The following UGT8 variants were observed in gnomAD, a reference collection of about 807,000 sequenced individuals.
UGT8 encodes 2-hydroxyacylsphingosine 1-beta-galactosyltransferase.
UGT8 carries 12 observed loss-of-function variants against 40.5 expected under a neutral mutation model. The observed-to-expected ratio is 0.30, with a 90% confidence interval of 0.19 to 0.48. The LOEUF is 0.48. Ranked by LOEUF, UGT8 falls within the 20% of genes least tolerant of loss-of-function variation. The probability of loss-of-function intolerance (pLI) is 0.99; values close to 1 mark genes in which losing one functional copy is unlikely to be tolerated. For synonymous variants in UGT8, 224 were observed against 240.4 expected (o/e 0.93, Z 0.63); for missense variants, 513 against 648.7 (o/e 0.79, Z 2.27).
At chr4:114,673,698 C>T (rs1735444826) in intron 5 of UGT8, among the ~76,000 whole-genome samples, 1 of 152,132 alleles carries the variant, frequency 6.6e-6, no homozygotes, top group African/African-American at 2.4e-5. Context: ...TCTTTTCCAT[C>T]TTTGTTAAAA....
chr4:114,671,531 A>G (rs1468521307), intron 5 of UGT8, among the ~76,000 whole-genome samples: 2 of 152,172 alleles, frequency 1.3e-5, no homozygotes, highest in Admixed American at 1.3e-4. Flanking sequence ...ACACATCTAC[A>G]ACCATCTGAT....
At chr4:114,656,874 A>G in intron 2 of UGT8, 1 of 487,288 alleles carries the variant, frequency 2.1e-6, no homozygotes, top group Non-Finnish European at 4.3e-6. Flanking sequence ...GGCCTCATTA[A>G]AAAATATAAA....
chr4:114,634,033 G>T (rs146108492), intron 2 of UGT8, among the ~76,000 whole-genome samples: 3 of 152,142 alleles, frequency 2.0e-5, no homozygotes, highest in East Asian at 1.9e-4. Context: ...GGTGAATGTT[G>T]CAGTAGCTCA....
rs1327688315 is a variant in UGT8, at chr4:114,663,997, T to C, written c.825T>C (p.Asp275=). The C allele has an allele frequency of 6.2e-7, 1 of 1,613,760 alleles. No homozygotes were observed. Among genetic ancestry groups the C allele is most frequent in the Non-Finnish European group, 8.5e-7 (1 of 1,179,776 alleles). Residue 275 remains aspartate (D), a splice_region_variant and synonymous_variant, in exon 3 of 6, where the codon GAT becomes GAC. Transcript: ENST00000310836. ...TACTGCCATGTTTTGATTTACAGGA[T>C]CTCCAAAGATGGGTAAATGGTGCTA... is the stretch of plus-strand genomic sequence containing the variant. ...LTKPASPLPE[D]LQRWVNGANE...
rs1731990045 is a variant in UGT8 at position 114,623,584 on chromosome 4, A to G, written c.704A>G (p.His235Arg). The G allele has an allele frequency of 5.6e-6, 9 of 1,614,156 alleles. No homozygotes were observed. The highest frequency in any genetic ancestry group is 6.8e-6 in the Non-Finnish European group (8 of 1,180,026). The part of the protein sequence containing the change: ...LPEKSMYDLV[H>R]GSSLWMLCTD... Reference sequence around the variant, plus strand: ...GAGAAGTCCATGTATGATTTGGTTCATGGGTCCAGCCTGTGGATGCTGTGT... The same window carrying G: ...GAGAAGTCCATGTATGATTTGGTTCGTGGGTCCAGCCTGTGGATGCTGTGT... The change falls in exon 2 of 6, where the codon CAT (histidine) becomes CGT (arginine). Residue 235 changes from histidine to arginine, a missense_variant. Around this residue, in one of 3 missense-constraint regions of UGT8, gnomAD observed 335 missense variants for 444.8 expected, o/e 0.75. Transcript: ENST00000310836.
At chr4:114,619,094 A>AT (rs1731613536) in intron 1 of UGT8, among the ~76,000 whole-genome samples, 1 of 151,978 alleles carries the variant, frequency 6.6e-6, no homozygotes, top group African/African-American at 2.4e-5. Context: ...TTCTTTTTAT[A>AT]TTTTTCCAAT....
intron 1 of UGT8, chr4:114,622,564 A>G (rs1282577731): frequency 3.8e-6 from 1 of 260,880 alleles, no homozygotes; most frequent in Non-Finnish European, 7.4e-6. Context: ...ACAGTGTAAA[A>G]GTGTTCCTAT....
chr4:114,665,880 GTTA>G (rs1734837088), intron 4 of UGT8, 124 bp downstream of exon 4: 1 of 593,252 alleles, frequency 1.7e-6, no homozygotes, highest in Non-Finnish European at 2.6e-6. Context: ...ATATGGTAGA[GTTA>G]TTATGTTTTT....
chr4:114,623,448 T>G lies in UGT8; in HGVS notation c.568T>G (p.Leu190Val). 1 of 1,614,228 alleles carries G rather than the reference T, an allele frequency of 6.2e-7. No individual in the cohort carries two copies. Among genetic ancestry groups the G allele is most frequent in the Non-Finnish European group, 8.5e-7 (1 of 1,180,032 alleles). ...CTCACTCCTCACAGACCGCATGAAC[T>G]TGCTGCAAAGGATGAAAAATACCGG... ...FNSLLTDRMN[L>V]LQRMKNTGVY... The change falls in exon 2 of 6, where the codon TTG becomes GTG. Residue 190 changes from leucine (L) to valine (V), a missense_variant. By Grantham distance (32) the Leu-to-Val change is conservative (BLOSUM62 1). Transcript: ENST00000310836.
At chr4:114,670,575 T>C (rs760715993) in intron 5 of UGT8, among the ~76,000 whole-genome samples, 1 of 151,948 alleles carries the variant, frequency 6.6e-6, no homozygotes, top group African/African-American at 2.4e-5. Context: ...CACATGATTA[T>C]CTCAATAGAT....
chr4:114,660,759 G>A (rs1734471578), intron 2 of UGT8, among the ~76,000 whole-genome samples: 1 of 151,580 alleles, frequency 6.6e-6, no homozygotes, highest in Non-Finnish European at 1.5e-5. Flanking sequence ...GGGCGTAGTG[G>A]GGGCACCTGT....
intron 2 of UGT8, among the ~76,000 whole-genome samples, chr4:114,634,091 A>C (rs1732742680): frequency 6.6e-6 from 1 of 152,170 alleles, no homozygotes; most frequent in Non-Finnish European, 1.5e-5. Context: ...GATAATTCCA[A>C]GTATATTTGG....
chr4:114,623,453 G>A lies in UGT8; in HGVS notation c.573G>A (p.Leu191=), dbSNP rs61733374. ...TCCTCACAGACCGCATGAACTTGCT[G>A]CAAAGGATGAAAAATACCGGTGTTT... The part of the protein sequence containing the change: ...NSLLTDRMNL[L]QRMKNTGVYL... The change falls in exon 2 of 6, where the codon CTG becomes CTA. Residue 191 remains leucine (L), a synonymous_variant. Coordinates refer to ENST00000310836, the MANE Select transcript of UGT8 (RefSeq NM_001128174.3). 1.2e-6 allele frequency: 2 copies of A among 1,614,184 alleles called. No individual in the cohort carries two copies. The highest frequency in any genetic ancestry group is 1.3e-5 in the African/African-American group (1 of 75,044).
At chr4:114,646,618 G>T (rs1484769284) in intron 2 of UGT8, among the ~76,000 whole-genome samples, 1 of 152,168 alleles carries the variant, frequency 6.6e-6, no homozygotes, top group Non-Finnish European at 1.5e-5. Flanking sequence ...GCATTCAAGA[G>T]AAGTTAATTC....
rs1732374677 is a variant in UGT8, at chr4:114,628,439, G to A, written c.822+4737G>A. ...ACAGGCATGAGCCACTGCCCCAGCT[G>A]GTACTAAGTTATTTTAATGAATTAG... On this transcript the variant is annotated intron_variant, in intron 2 of 5. Coordinates refer to ENST00000310836, the MANE Select transcript of UGT8 (RefSeq NM_001128174.3). Among the ~76,000 whole-genome samples the A allele has an allele frequency of 2.6e-5, 4 of 151,886 alleles. No individual in the cohort carries two copies. The South Asian group carries it at 8.3e-4, about 32-fold the overall frequency.
At chr4:114,624,523 A>G (rs1019956226) in intron 2 of UGT8, among the ~76,000 whole-genome samples, 2 of 152,122 alleles carry the variant, frequency 1.3e-5, no homozygotes, top group Non-Finnish European at 2.9e-5. Flanking sequence ...GGCTTGTTGC[A>G]GGACTTTATT....
At position 114,648,173 on chromosome 4, in the gene UGT8, A is replaced by G. The variant is rs562218018; in HGVS notation, c.823-15822A>G. Among the ~76,000 whole-genome samples the G allele has an allele frequency of 2.5e-3, 379 of 152,242 alleles. 1 individual carries two copies. The highest frequency in any genetic ancestry group is 0.01 in the Middle Eastern group (3 of 294). On this transcript the variant is annotated intron_variant, in intron 2 of 5. Transcript: ENST00000310836. The stretch of plus-strand genomic sequence containing the variant: ...ATTGTATAGGATAGAATGCCATTCC[A>G]ACATATTTCAGCTTACTCAGAGCAG...
chr4:114,601,834 T>TC (rs1730462455), intron 1 of UGT8, among the ~76,000 whole-genome samples: 1 of 152,098 alleles, frequency 6.6e-6, no homozygotes, highest in African/African-American at 2.4e-5. Context: ...TTTATGTTTT[T>TC]TTTTTTTTTC....
intron 1 of UGT8, among the ~76,000 whole-genome samples, chr4:114,604,327 CA>C (rs1338772017): frequency 6.6e-6 from 1 of 151,984 alleles, no homozygotes; most frequent in African/African-American, 2.4e-5. Context: ...CAAAATTTAA[CA>C]AAATGTAATT....
Sources: allele counts gnomAD v4.1 joint callset (sites outside exome capture counted in the v4.1 genomes callset), GRCh38; gene constraint gnomAD v4.1.1; regional missense constraint gnomAD v4.1.1; transcripts MANE v1.5; gene names NCBI Gene and HGNC (gene_info 2026-07-23, HGNC 2026-07-21).